The following CACNA2D1 variants were observed in gnomAD, a reference collection of about 807,000 sequenced individuals.
The protein encoded by CACNA2D1 is calcium voltage-gated channel auxiliary subunit alpha2delta 1.
In CACNA2D1, 53 loss-of-function variants were observed where a neutral mutation model predicts 171.5. That is an observed-to-expected ratio of 0.31 (90% CI 0.25 to 0.39). The LOEUF is 0.39. Among genes scored for constraint, CACNA2D1 ranks in the 10% least tolerant of loss-of-function variants. The pLI, the probability that CACNA2D1 is intolerant of heterozygous loss-of-function variation, is 1.00. For missense variants in CACNA2D1, 903 were observed against 1,299.8 expected (o/e 0.69, Z 4.69); for synonymous variants, 442 against 443.1 (o/e 1.00, Z 0.03).
intron 1 of CACNA2D1, among the ~76,000 whole-genome samples, chr7:82,426,118 G>A (rs965965088): frequency 3.3e-5 from 5 of 149,274 alleles, no homozygotes; most frequent in African/African-American, 7.4e-5. Flanking sequence ...GTGACAGAGC[G>A]AGACTCTGCT....
chr7:82,336,340 A>C (rs1197758287), intron 2 of CACNA2D1, among the ~76,000 whole-genome samples: 1 of 152,236 alleles, frequency 6.6e-6, no homozygotes, highest in Non-Finnish European at 1.5e-5. Context: ...TATTGACCAC[A>C]GAGCATATTA....
At chr7:82,051,534 C>T (rs545516680) in intron 10 of CACNA2D1, among the ~76,000 whole-genome samples, 4 of 152,166 alleles carry the variant, frequency 2.6e-5, no homozygotes, top group East Asian at 3.9e-4. Context: ...AAAGCTTCCA[C>T]GAGGAAAACT....
intron 4 of CACNA2D1, among the ~76,000 whole-genome samples, chr7:82,145,979 G>A (rs1262439583): frequency 6.6e-6 from 1 of 151,606 alleles, no homozygotes; most frequent in African/African-American, 2.4e-5. Flanking sequence ...TCTTCATCCG[G>A]TATTTTCCGT....
chr7:82,224,476 C>A (rs1802139169), intron 3 of CACNA2D1, among the ~76,000 whole-genome samples: 1 of 152,208 alleles, frequency 6.6e-6, no homozygotes. Flanking sequence ...ATCCCAGCTA[C>A]TCAGGAGGCT....
In CACNA2D1 at chr7:82,258,178, C is replaced by G. The variant is rs79517271; in HGVS notation, c.294+76957G>C. On this transcript the variant is annotated intron_variant, in intron 3 of 38. Coordinates refer to ENST00000356860, the MANE Select transcript of CACNA2D1 (RefSeq NM_000722.4). The stretch of plus-strand genomic sequence containing the variant: ...GAATGAATCCAGCACTCCACTCTTA[C>G]GCCTAAAGTAAATCAAATACTATCC... Among the ~76,000 whole-genome samples the G allele has an allele frequency of 7.9e-3, 1,198 of 152,238 alleles. 8 individuals are homozygous for G. The highest frequency in any genetic ancestry group is 0.027 in the African/African-American group (1,125 of 41,546).
intron 4 of CACNA2D1, among the ~76,000 whole-genome samples, chr7:82,149,989 T>C (rs1479270181): frequency 2.0e-5 from 3 of 151,654 alleles, no homozygotes; most frequent in African/African-American, 4.8e-5. Flanking sequence ...CGTGTGTGTG[T>C]GTGCATGTGT....
chr7:82,273,238 A>G (rs1169780015), intron 3 of CACNA2D1, among the ~76,000 whole-genome samples: 1 of 151,938 alleles, frequency 6.6e-6, no homozygotes, highest in East Asian at 1.9e-4. Context: ...CATAGTTTTT[A>G]AATAATAATA....
At chr7:82,212,522 T>C (rs1250104904) in intron 3 of CACNA2D1, among the ~76,000 whole-genome samples, 1 of 152,220 alleles carries the variant, frequency 6.6e-6, no homozygotes, top group African/African-American at 2.4e-5. Context: ...AAGCCTATAG[T>C]TACTATGTGC....
At chr7:82,299,207 A>G (rs10231891) in intron 3 of CACNA2D1, among the ~76,000 whole-genome samples, 12,335 of 152,206 alleles carry the variant, frequency 0.081, 1,672 homozygotes, top group African/African-American at 0.28. Flanking sequence ...AAAGTTGATC[A>G]TATACCAAAT....
chr7:82,118,431 T>C (rs1337778039), intron 5 of CACNA2D1, among the ~76,000 whole-genome samples: 1 of 152,154 alleles, frequency 6.6e-6, no homozygotes, highest in African/African-American at 2.4e-5. Flanking sequence ...AAAATCCTAT[T>C]TGTTTTGGGT....
chr7:82,370,222 CT>C (rs1822230876), intron 1 of CACNA2D1, among the ~76,000 whole-genome samples: 1 of 151,828 alleles, frequency 6.6e-6, no homozygotes. Context: ...AAGGTAAAAG[CT>C]TTGGGAAAGA....
intron 21 of CACNA2D1, among the ~76,000 whole-genome samples, chr7:81,990,009 A>G (rs1307195165): frequency 1.3e-5 from 2 of 152,200 alleles, no homozygotes; most frequent in Non-Finnish European, 2.9e-5. Context: ...TGTAAAGACT[A>G]TGAAGGCATT....
chr7:82,086,233 G>A (rs890512569), intron 6 of CACNA2D1, among the ~76,000 whole-genome samples: 1 of 152,140 alleles, frequency 6.6e-6, no homozygotes, highest in Non-Finnish European at 1.5e-5. Flanking sequence ...AACAGCGCCT[G>A]TGAAACAAGA....
At chr7:82,035,827 G>C (rs1367994751) in intron 11 of CACNA2D1, among the ~76,000 whole-genome samples, 1 of 152,088 alleles carries the variant, frequency 6.6e-6, no homozygotes, top group Non-Finnish European at 1.5e-5. Context: ...ACTAGAGGAA[G>C]GATACATCTT....
chr7:82,223,775 T>A (rs1802040784), intron 3 of CACNA2D1, among the ~76,000 whole-genome samples: 1 of 152,096 alleles, frequency 6.6e-6, no homozygotes. Flanking sequence ...GTCACCCCAG[T>A]CTCCACAAAG....
chr7:82,243,738 G>A (rs1338669441), intron 3 of CACNA2D1, among the ~76,000 whole-genome samples: 1 of 152,132 alleles, frequency 6.6e-6, no homozygotes, highest in African/African-American at 2.4e-5. Flanking sequence ...GCAGACAAAA[G>A]AAAACACATG....
intron 3 of CACNA2D1, among the ~76,000 whole-genome samples, chr7:82,316,340 A>G (rs745994249): frequency 6.6e-6 from 1 of 152,052 alleles, no homozygotes; most frequent in Non-Finnish European, 1.5e-5. Context: ...ATTTCCTTTC[A>G]TTACTTACTG....
intron 18 of CACNA2D1, among the ~76,000 whole-genome samples, chr7:81,997,937 C>T (rs534042231): frequency 6.6e-6 from 1 of 151,932 alleles, no homozygotes; most frequent in South Asian, 2.1e-4. Context: ...TCAATGAATA[C>T]TATTTCCTAT....
intron 4 of CACNA2D1, among the ~76,000 whole-genome samples, chr7:82,160,156 G>A (rs1794803268): frequency 6.6e-6 from 1 of 151,778 alleles, no homozygotes; most frequent in African/African-American, 2.4e-5. Flanking sequence ...TAGCCTCTAT[G>A]AATGACAAAA....
Sources: gnomAD v4.1 joint callset for allele counts (sites outside exome capture counted in the v4.1 genomes callset) on GRCh38, gnomAD v4.1.1 for gene constraint, MANE v1.5 for transcripts, NCBI Gene and HGNC (gene_info 2026-07-23, HGNC 2026-07-21) for gene names.